The following DGKB variants were observed in gnomAD, a reference collection of about 807,000 sequenced individuals.
DGKB encodes 90 kDa diacylglycerol kinase.
A neutral mutation model predicts 114.3 loss-of-function variants in DGKB; 67 were observed. That is an observed-to-expected ratio of 0.59 (90% CI 0.48 to 0.72). The LOEUF is 0.72. DGKB is among the 30% of genes least tolerant of loss of function. The pLI is 0.00. For synonymous variants in DGKB, 398 were observed against 323.1 expected (o/e 1.23, Z -2.49); for missense variants, 907 against 975.2 (o/e 0.93, Z 0.93).
intron 1 of DGKB, among the ~76,000 whole-genome samples, chr7:14,897,493 T>C (rs1782290593): frequency 6.6e-6 from 1 of 151,860 alleles, no homozygotes; most frequent in Non-Finnish European, 1.5e-5. Context: ...AAATCACCTT[T>C]TCACAACTTC....
rs1044718902 is a variant in DGKB, at chr7:14,607,016, A to T, written c.1433+418T>A. On this transcript the variant is annotated intron_variant, in intron 17 of 25. Coordinates refer to ENST00000402815, the MANE Select transcript of DGKB (RefSeq NM_001350709.2). The stretch of plus-strand genomic sequence containing the variant: ...CTCCTACATGCTTAGTGTTCCAATA[A>T]TGGAACACTAGGCATAAATGGACTA... Among the ~76,000 whole-genome samples the T allele has an allele frequency of 3.9e-5, 6 of 152,082 alleles. No homozygotes were observed. In the South Asian group the frequency reaches 8.3e-4, roughly 21 times the overall value.
At chr7:14,272,636 C>A (rs994559960) in intron 23 of DGKB, among the ~76,000 whole-genome samples, 1 of 151,920 alleles carries the variant, frequency 6.6e-6, no homozygotes, top group Non-Finnish European at 1.5e-5. Context: ...ACTTTTTTTG[C>A]TTAAAGCAGA....
intron 23 of DGKB, among the ~76,000 whole-genome samples, chr7:14,251,132 G>T (rs756734910): frequency 6.6e-6 from 1 of 152,046 alleles, no homozygotes; most frequent in Non-Finnish European, 1.5e-5. Context: ...CAAATTTAAT[G>T]TAATTGTTAC....
chr7:14,744,543 G>A (rs192356298), intron 4 of DGKB, among the ~76,000 whole-genome samples: 2 of 152,182 alleles, frequency 1.3e-5, no homozygotes, highest in African/African-American at 4.8e-5. Context: ...CCAATTCATA[G>A]GTATTTGAGG....
intron 1 of DGKB, among the ~76,000 whole-genome samples, chr7:14,870,734 G>A (rs1164959119): frequency 6.6e-6 from 1 of 152,262 alleles, no homozygotes; most frequent in East Asian, 1.9e-4. Flanking sequence ...GGGGGAGGTT[G>A]CAGTGAGCCG....
intron 23 of DGKB, among the ~76,000 whole-genome samples, chr7:14,279,630 G>C (rs980402637): frequency 6.6e-6 from 1 of 151,922 alleles, no homozygotes; most frequent in African/African-American, 2.4e-5. Context: ...TCCGCTGTTA[G>C]TCTGATGGGC....
At position 14,483,032 on chromosome 7, in the gene DGKB, C is replaced by T. The variant is rs77936197; in HGVS notation, c.1771-4807G>A. 2.3e-3 allele frequency among the ~76,000 whole-genome samples: 353 copies of T among 150,740 alleles called. 5 individuals carry two copies. The East Asian group carries it at 0.039, about 17-fold the overall frequency. On this transcript the variant is annotated intron_variant, in intron 20 of 25. Transcript: ENST00000402815. ...GCATTTTTTTTTTTGGAGAAGTTAACGTTTTGGTTTTCTTAATTTCTCTGC... is the reference window on the plus strand; with the variant it reads ...GCATTTTTTTTTTTGGAGAAGTTAATGTTTTGGTTTTCTTAATTTCTCTGC...
intron 20 of DGKB, among the ~76,000 whole-genome samples, chr7:14,506,901 C>G (rs901692446): frequency 2.0e-5 from 3 of 152,164 alleles, no homozygotes; most frequent in African/African-American, 7.2e-5. Context: ...TATATCAATT[C>G]TGGCCCACAG....
chr7:14,898,387 G>C (rs752000795), intron 1 of DGKB, among the ~76,000 whole-genome samples: 1 of 151,984 alleles, frequency 6.6e-6, no homozygotes, highest in African/African-American at 2.4e-5. Flanking sequence ...TTCAAACCCC[G>C]GCTCTATTCC....
intron 1 of DGKB, among the ~76,000 whole-genome samples, chr7:14,964,455 G>T (rs970266616): frequency 6.6e-6 from 1 of 152,130 alleles, no homozygotes; most frequent in African/African-American, 2.4e-5. Flanking sequence ...AGCTAAGATC[G>T]CACCATTGCA....
chr7:14,847,368 G>T (rs925878757), intron 1 of DGKB, among the ~76,000 whole-genome samples: 4 of 150,540 alleles, frequency 2.7e-5, no homozygotes, highest in South Asian at 4.2e-4. Context: ...CAAACTGTAA[G>T]ATTTCCAACA....
intron 1 of DGKB, among the ~76,000 whole-genome samples, chr7:14,843,501 A>AT (rs1380091437): frequency 6.7e-6 from 1 of 150,266 alleles, no homozygotes; most frequent in Non-Finnish European, 1.5e-5. Flanking sequence ...CGCCCGGCTA[A>AT]TTTTTTGTAT....
At chr7:14,474,976 T>A (rs1376638240) in intron 21 of DGKB, among the ~76,000 whole-genome samples, 2 of 152,110 alleles carry the variant, frequency 1.3e-5, no homozygotes, top group Non-Finnish European at 2.9e-5. Flanking sequence ...GAATATGATA[T>A]AAACCTTTCA....
At chr7:14,163,857 C>T (rs1375937786) in intron 25 of DGKB, among the ~76,000 whole-genome samples, 8 of 151,776 alleles carry the variant, frequency 5.3e-5, no homozygotes, top group Admixed American at 2.0e-4. Context: ...TAGCTGGGTG[C>T]GGCGGCAGGT....
chr7:14,408,907 T>C (rs535309052), intron 21 of DGKB, among the ~76,000 whole-genome samples: 2 of 152,248 alleles, frequency 1.3e-5, no homozygotes, highest in South Asian at 4.1e-4. Context: ...GTTAGATATG[T>C]CATGAGCGCA....
At chr7:14,478,811 A>AAC (rs2128906972) in intron 20 of DGKB, among the ~76,000 whole-genome samples, 1 of 151,916 alleles carries the variant, frequency 6.6e-6, no homozygotes, top group South Asian at 2.1e-4. Flanking sequence ...TAGAAAAAAA[A>AAC]AACAACAACA....
chr7:14,490,604 G>C (rs528754802), intron 20 of DGKB, among the ~76,000 whole-genome samples: 14 of 152,274 alleles, frequency 9.2e-5, no homozygotes, highest in African/African-American at 3.1e-4. Context: ...GGGACAAAAA[G>C]GAGTCCAGTC....
intron 1 of DGKB, among the ~76,000 whole-genome samples, chr7:14,957,517 G>A (rs939738874): frequency 6.6e-6 from 1 of 151,974 alleles, no homozygotes; most frequent in Non-Finnish European, 1.5e-5. Context: ...ACAGAAGTGT[G>A]CCACAATCAG....
intron 1 of DGKB, among the ~76,000 whole-genome samples, chr7:14,884,549 G>A (rs111906181): frequency 6.6e-6 from 1 of 151,892 alleles, no homozygotes; most frequent in African/African-American, 2.4e-5. Flanking sequence ...TTCCCTGACA[G>A]CCTGACTTTT....
Sources: allele counts gnomAD v4.1 joint callset (sites outside exome capture counted in the v4.1 genomes callset), GRCh38; gene constraint gnomAD v4.1.1; transcripts MANE v1.5; gene names NCBI Gene and HGNC (gene_info 2026-07-23, HGNC 2026-07-21).